The following ZDHHC21 variants were observed in gnomAD, a reference collection of about 807,000 sequenced individuals.
ZDHHC21 encodes palmitoyltransferase ZDHHC21.
A neutral mutation model predicts 34.6 loss-of-function variants in ZDHHC21; 15 were observed. The ratio of observed to expected loss-of-function variants is 0.43; its 90% CI spans 0.29 to 0.67. The LOEUF (loss-of-function observed/expected upper bound fraction) is 0.67, where lower values mean the gene tolerates loss of function less well. Among genes scored for constraint, ZDHHC21 ranks in the 30% least tolerant of loss-of-function variants. The pLI, the probability that ZDHHC21 is intolerant of heterozygous loss-of-function variation, is 0.14. For missense variants in ZDHHC21, 344 were observed against 327.7 expected (o/e 1.05, Z -0.38); for synonymous variants, 142 against 101.8 (o/e 1.40, Z -2.38).
intron 5 of ZDHHC21, among the ~76,000 whole-genome samples, chr9:14,666,418 C>A (rs1834450964): frequency 9.1e-6 from 1 of 109,692 alleles, no homozygotes; most frequent in Admixed American, 9.0e-5. Flanking sequence ...TAACACCCCA[C>A]TGTCAACATT....
In ZDHHC21 at chr9:14,614,453, C is replaced by A. The variant is rs1013536848; in HGVS notation, c.*4513G>T. On this transcript the variant is annotated 3_prime_UTR_variant, in exon 10 of 10. Transcript: ENST00000380916. ...AAAAGTCACTTTCCTGAAGTTAAAC[C>A]ATCATCATCTCAAAAGGAGCAGAAA... 2.6e-5 allele frequency: 4 copies of A among 151,504 alleles called. No homozygotes were observed. The highest frequency in any genetic ancestry group is 5.9e-5 in the Non-Finnish European group (4 of 67,674). 9.4% of individuals were successfully genotyped at this position (151,504 alleles called of 1,614,324 possible). A position where few individuals can be genotyped will look rare whatever the true frequency, so the allele number is the denominator to read the frequency against.
intron 5 of ZDHHC21, among the ~76,000 whole-genome samples, chr9:14,663,928 A>T (rs530630251): frequency 6.6e-6 from 1 of 152,322 alleles, no homozygotes; most frequent in South Asian, 2.1e-4. Context: ...TGTCACAAGC[A>T]TATCATATTC....
chr9:14,597,942 G>A, the ZDHHC21 span, among the ~76,000 whole-genome samples: 2 of 152,198 alleles, frequency 1.3e-5, no homozygotes, highest in East Asian at 3.9e-4. Flanking sequence ...ACACAACTGA[G>A]GGGCCAGAGA....
intron 3 of ZDHHC21, chr9:14,677,303 T>G (rs908768265): frequency 1.3e-5 from 2 of 151,968 alleles, no homozygotes; most frequent in Admixed American, 1.3e-4. Context: ...AATACCTGAT[T>G]GGTAAAACTT....
rs185859798 is a variant in ZDHHC21 at position 14,678,704 on chromosome 9, G to C, written c.-46+1329C>G. ...GTACTCCTGAGACTGTATATATACA[G>C]ACAAGGATGTACAAGGATACAGCAC... On this transcript the variant is annotated intron_variant, in intron 3 of 9. Coordinates refer to ENST00000380916, the MANE Select transcript of ZDHHC21 (RefSeq NM_178566.6). Among the ~76,000 whole-genome samples the C allele has an allele frequency of 2.6e-5, 4 of 152,154 alleles. 1 individual carries two copies. In the East Asian group the frequency reaches 7.7e-4, roughly 29 times the overall value.
the ZDHHC21 span, among the ~76,000 whole-genome samples, chr9:14,602,626 T>A: frequency 6.6e-6 from 1 of 152,074 alleles, no homozygotes; most frequent in Non-Finnish European, 1.5e-5. Context: ...GAAATCCCCA[T>A]CAGACAAACA....
chr9:14,642,265 A>T (rs1295819462), intron 7 of ZDHHC21, among the ~76,000 whole-genome samples: 1 of 152,216 alleles, frequency 6.6e-6, no homozygotes, highest in African/African-American at 2.4e-5. Flanking sequence ...CATAATTAAC[A>T]TCATCAGCAC....
the ZDHHC21 span, among the ~76,000 whole-genome samples, chr9:14,601,195 T>C: frequency 1.6e-4 from 24 of 152,070 alleles, no homozygotes; most frequent in African/African-American, 5.1e-4. Context: ...AAAGAAACTA[T>C]CATCAGGGTG....
chr9:14,612,982 ATAAAT>A lies in ZDHHC21; in HGVS notation c.*5979_*5983del, dbSNP rs772737905. On this transcript the variant is annotated 3_prime_UTR_variant, in exon 10 of 10. Transcript: ENST00000380916. ...CCAATAAGCTATATAGTTCATTTATATAAATTAGAGTTCTTACCTTTTTATTCATT... is the reference window on the plus strand; with the variant it reads ...CCAATAAGCTATATAGTTCATTTATATAGAGTTCTTACCTTTTTATTCATT... 1.3e-5 allele frequency: 2 copies of A among 151,862 alleles called. No homozygotes were observed. Among genetic ancestry groups the A allele is most frequent in the Non-Finnish European group, 2.9e-5 (2 of 67,862 alleles). The allele number at this position is 151,862 out of a possible 1,614,324, so 9.4% of individuals were successfully genotyped here.
chr9:14,621,480 G>T (rs149532436), intron 8 of ZDHHC21, among the ~76,000 whole-genome samples: 72 of 151,962 alleles, frequency 4.7e-4, no homozygotes, highest in African/African-American at 1.5e-3. Context: ...AATCTGTTTT[G>T]GGAAATAACT....
At chr9:14,654,469 T>C (rs754437208) in intron 7 of ZDHHC21, among the ~76,000 whole-genome samples, 1 of 151,860 alleles carries the variant, frequency 6.6e-6, no homozygotes, top group Non-Finnish European at 1.5e-5. Context: ...TGCAAAATGC[T>C]CAGTATTCTA....
intron 4 of ZDHHC21, 59 bp downstream of exon 4, chr9:14,674,128 C>G (rs1835929535): frequency 2.4e-6 from 3 of 1,268,706 alleles, no homozygotes; most frequent in Non-Finnish European, 3.1e-6. Flanking sequence ...CACTACACCC[C>G]AAAAACGTTT....
intron 2 of ZDHHC21, among the ~76,000 whole-genome samples, chr9:14,686,937 C>T (rs1358297368): frequency 6.7e-6 from 1 of 148,750 alleles, no homozygotes; most frequent in Admixed American, 6.6e-5. Flanking sequence ...TGTACTACAG[C>T]ACTCCAGCCT....
At chr9:14,620,845 AAAAAGTTATAGATT>A (rs1825183423) in intron 8 of ZDHHC21, among the ~76,000 whole-genome samples, 1 of 152,084 alleles carries the variant, frequency 6.6e-6, no homozygotes, top group Non-Finnish European at 1.5e-5. Context: ...AGGAATTTTT[AAAAAGTTATAGATT>A]AGCTACATAT....
the ZDHHC21 span, among the ~76,000 whole-genome samples, chr9:14,604,069 C>T: frequency 6.6e-6 from 1 of 152,002 alleles, no homozygotes; most frequent in African/African-American, 2.4e-5. Context: ...CAGGAAGCAG[C>T]AAAAATATGT....
chr9:14,633,662 C>T (rs1480095144), intron 8 of ZDHHC21, among the ~76,000 whole-genome samples: 1 of 152,120 alleles, frequency 6.6e-6, no homozygotes, highest in Non-Finnish European at 1.5e-5. Flanking sequence ...TTGGCTGCTA[C>T]CACCAAGGCT....
At chr9:14,593,013 T>C in the ZDHHC21 span, among the ~76,000 whole-genome samples, 2 of 152,070 alleles carry the variant, frequency 1.3e-5, no homozygotes, top group African/African-American at 2.4e-5. Flanking sequence ...GCTAAAGTAG[T>C]ACAGGGAGGG....
intron 7 of ZDHHC21, among the ~76,000 whole-genome samples, chr9:14,651,057 A>T (rs1395798122): frequency 2.6e-5 from 4 of 151,984 alleles, no homozygotes; most frequent in Non-Finnish European, 2.9e-5. Context: ...AATCTCTGAC[A>T]GTAATAGCCA....
intron 5 of ZDHHC21, 102 bp downstream of exon 5, chr9:14,672,728 T>C (rs1835702688): frequency 1.4e-6 from 1 of 740,280 alleles, no homozygotes; most frequent in East Asian, 2.7e-5. Flanking sequence ...CAAAGTGGTG[T>C]TAGATGACAT....
Sources: allele counts gnomAD v4.1 joint callset (sites outside exome capture counted in the v4.1 genomes callset), GRCh38; gene constraint gnomAD v4.1.1; transcripts MANE v1.5; gene names NCBI Gene and HGNC (gene_info 2026-07-23, HGNC 2026-07-21).